Variants in STRADB observed in about 807,000 individuals in gnomAD.
The protein encoded by STRADB is STE20 related adaptor beta.
In STRADB, 34 loss-of-function variants were observed where a neutral mutation model predicts 52.1. The observed-to-expected ratio is 0.65, with a 90% CI of 0.50 to 0.87. The LOEUF (loss-of-function observed/expected upper bound fraction) is 0.87. STRADB is among the 40% of genes least tolerant of loss of function. The pLI, the probability that STRADB is intolerant of heterozygous loss-of-function variation, is 0.00. For synonymous variants in STRADB, 133 were observed against 174.5 expected (o/e 0.76, Z 1.87); for missense variants, 340 against 483.9 (o/e 0.70, Z 2.79).
At chr2:201,454,675 G>A (rs1271564279) in intron 1 of STRADB, 71 bp from the exon 2 acceptor site, 1 of 493,470 alleles carries the variant, frequency 2.0e-6, no homozygotes, top group Non-Finnish European at 3.5e-6. Context: ...AATATTGGAT[G>A]GGTTTAAGGC....
chr2:201,469,985 A>T lies in STRADB; in HGVS notation c.126A>T (p.Pro42=). Residue 42 remains proline (P), a synonymous_variant, in exon 4 of 12, where the codon CCA becomes CCT. Transcript: ENST00000194530. ...VDEPTLSWSR[P]STRASEVLCS... ...AGCCAACCCTTTCCTGGTCACGTCC[A>T]TCCACTAGAGCCAGTGAAGTACTAT... The T allele has an allele frequency of 6.2e-7, 1 of 1,614,032 alleles. No homozygotes were observed.
In STRADB at chr2:201,469,981, G is replaced by T. The variant is rs192324264; in HGVS notation, c.122G>T (p.Arg41Leu). 1 of 1,613,790 alleles carries T rather than the reference G, an allele frequency of 6.2e-7. No homozygotes were observed. Among genetic ancestry groups the T allele is most frequent in the Non-Finnish European group, 8.5e-7 (1 of 1,179,942 alleles). Reference protein sequence around the residue: ...LVDEPTLSWSRPSTRASEVLC... With the variant: ...LVDEPTLSWSLPSTRASEVLC... ...GATGAGCCAACCCTTTCCTGGTCAC[G>T]TCCATCCACTAGAGCCAGTGAAGTA... Residue 41 changes from arginine to leucine, a missense_variant, in exon 4 of 12, where the codon CGT becomes CTT. Physicochemically the swap from Arg to Leu is moderately radical, Grantham distance 102. Coordinates refer to ENST00000194530, the MANE Select transcript of STRADB (RefSeq NM_018571.6).
chr2:201,478,743 T>C, intron 10 of STRADB, 142 bp downstream of exon 10: 1 of 1,045,740 alleles, frequency 9.6e-7, no homozygotes, highest in South Asian at 1.7e-5. Flanking sequence ...CTAAGAACAA[T>C]TAGTGGGAAC....
intron 3 of STRADB, 33 bp downstream of exon 3, chr2:201,458,897 C>G: frequency 6.3e-7 from 1 of 1,579,456 alleles, no homozygotes; most frequent in Non-Finnish European, 8.7e-7. Flanking sequence ...TGCAGTGGTT[C>G]ACACCTGTAA....
chr2:201,477,483 G>C lies in STRADB; in HGVS notation c.549-136G>C, dbSNP rs536520269. 38 of 820,516 alleles carry C rather than the reference G, an allele frequency of 4.6e-5. No homozygotes were observed. The South Asian group carries it at 6.5e-4, about 14-fold the overall frequency. The allele number at this position is 820,516 out of a possible 1,614,324, so 50.8% of individuals were successfully genotyped here. A position where few individuals can be genotyped will look rare whatever the true frequency, so the allele number is the denominator to read the frequency against. ...GTGTAAACAGCAGTTTTGCAGTACT[G>C]TTTTGCAGTTTATACTGCTGTTTTG... On this transcript the variant is annotated intron_variant, in intron 7 of 11. Coordinates refer to ENST00000194530, the MANE Select transcript of STRADB (RefSeq NM_018571.6).
intron 3 of STRADB, among the ~76,000 whole-genome samples, chr2:201,461,749 C>G (rs377312403): frequency 6.6e-6 from 1 of 152,138 alleles, no homozygotes; most frequent in Non-Finnish European, 1.5e-5. Flanking sequence ...CTCAATTAAT[C>G]TTTGCCCAGA....
chr2:201,478,162 G>C lies in STRADB; in HGVS notation c.796G>C (p.Val266Leu). 6.2e-7 allele frequency: 1 copy of C among 1,613,734 alleles called. No homozygotes were observed. Among genetic ancestry groups the C allele is most frequent in the South Asian group, 1.1e-5 (1 of 90,938 alleles). Residue 266 changes from valine (V) to leucine (L), a missense_variant, in exon 9 of 12, where the codon GTG becomes CTG. By Grantham distance (32) the Val-to-Leu change is conservative. Coordinates refer to ENST00000194530, the MANE Select transcript of STRADB (RefSeq NM_018571.6). ...ITACELASGQ[V>L]PFQDMHRTQM... is the part of the protein sequence containing the mutation. ...AGCATGTGAATTAGCCAGTGGGCAG[G>C]TGCCTTTCCAGGACATGCATAGAAC...
chr2:201,474,430 G>A (rs1952440553), intron 5 of STRADB, among the ~76,000 whole-genome samples: 1 of 152,064 alleles, frequency 6.6e-6, no homozygotes, highest in African/African-American at 2.4e-5. Context: ...TTTTGGACAG[G>A]TTTTCTAACT....
chr2:201,454,250 C>A (rs982248065), intron 1 of STRADB, among the ~76,000 whole-genome samples: 1 of 152,046 alleles, frequency 6.6e-6, no homozygotes. Flanking sequence ...GGTCAGGGAC[C>A]CCAAATGATT....
rs1354157680 is a variant in STRADB at position 201,472,999 on chromosome 2, A to G, written c.238A>G (p.Thr80Ala). The G allele has an allele frequency of 3.1e-6, 5 of 1,612,696 alleles. 1 individual carries two copies. The South Asian group carries it at 5.5e-5, about 18-fold the overall frequency. ...NLTSVHLARH[T>A]PTGTLVTIKI... is the part of the protein sequence containing the mutation. ...GACTTCTGTCCATCTTGCACGGCAT[A>G]CTCCCACAGGAACACTGGTAACTAT... The change falls in exon 5 of 12, where the codon ACT becomes GCT. Residue 80 changes from threonine (T) to alanine (A), a missense_variant. Transcript: ENST00000194530.
At chr2:201,477,813 G>T in intron 8 of STRADB, 23 bp downstream of exon 8, 1 of 1,604,218 alleles carries the variant, frequency 6.2e-7, no homozygotes, top group Non-Finnish European at 8.5e-7. Context: ...CGTTGGATTG[G>T]GTTGTCTGTG....
At chr2:201,464,911 C>A (rs1371900447) in intron 3 of STRADB, among the ~76,000 whole-genome samples, 1 of 152,204 alleles carries the variant, frequency 6.6e-6, no homozygotes, top group Non-Finnish European at 1.5e-5. Context: ...CTGGCTATTG[C>A]CAGTGTTCAC....
At position 201,478,601 on chromosome 2, in the gene STRADB, G is replaced by C. The variant is rs150939369; in HGVS notation, c.1070G>C (p.Arg357Thr). 1 of 1,613,336 alleles carries C rather than the reference G, an allele frequency of 6.2e-7. No homozygotes were observed. The highest frequency in any genetic ancestry group is 1.3e-5 in the African/African-American group (1 of 74,760). Residue 357 changes from arginine (R) to threonine (T), a missense_variant and splice_region_variant, in exon 10 of 12, where the codon AGG (arginine) becomes ACG (threonine). Arg to Thr is a moderately conservative substitution (Grantham distance 71, BLOSUM62 -1). Coordinates refer to ENST00000194530, the MANE Select transcript of STRADB (RefSeq NM_018571.6). ...QLCLQQDPEK[R>T]PSASSLLSHV... ...TGTTTGCAACAAGATCCTGAGAAAA[G>C]GTAATATTGATCTCTTTTAAATAGC...
intron 6 of STRADB, among the ~76,000 whole-genome samples, chr2:201,475,342 GAAAA>G (rs949782505): frequency 6.9e-6 from 1 of 143,960 alleles, no homozygotes. Flanking sequence ...CTGGATTTAA[GAAAA>G]AAAAAAATAT....
chr2:201,457,744 C>T (rs779968445), intron 2 of STRADB, among the ~76,000 whole-genome samples: 1 of 152,078 alleles, frequency 6.6e-6, no homozygotes, highest in Non-Finnish European at 1.5e-5. Flanking sequence ...TCTGAAATGG[C>T]TGTGGTGGCT....
intron 3 of STRADB, among the ~76,000 whole-genome samples, chr2:201,463,107 G>T (rs1217422158): frequency 6.6e-6 from 1 of 152,200 alleles, no homozygotes; most frequent in East Asian, 1.9e-4. Context: ...GGAGGCCAGG[G>T]TGGGTGGATC....
At position 201,468,485 on chromosome 2, in the gene STRADB, T is replaced by A. The variant is rs537230514; in HGVS notation, c.94-1468T>A. On this transcript the variant is annotated intron_variant, in intron 3 of 11. Transcript: ENST00000194530. ...TTTTATTCTGGTTTTTCATCTGAGT[T>A]CTATCATAGTTGCAAACTTCGTATC... Among the ~76,000 whole-genome samples the A allele has an allele frequency of 5.3e-5, 8 of 152,298 alleles. No individual in the cohort carries two copies. In the South Asian group the frequency reaches 1.7e-3, roughly 32 times the overall value.
At position 201,470,122 on chromosome 2, in the gene STRADB, G is replaced by A. The variant is rs928843353; in HGVS notation, c.193+70G>A. On this transcript the variant is annotated intron_variant, in intron 4 of 11. Transcript: ENST00000194530. ...AAATTGATGACAAAAAGATTATTTT[G>A]TGGGCAAGTGTTTTTCTGTTGTTAC... is the stretch of plus-strand genomic sequence containing the variant. The A allele has an allele frequency of 6.5e-6, 8 of 1,225,978 alleles. No homozygotes were observed. The East Asian group carries it at 1.7e-4, about 26-fold the overall frequency. The allele number at this position is 1,225,978 out of a possible 1,614,324, so 75.9% of individuals were successfully genotyped here.
In STRADB at chr2:201,454,772, A is replaced by G. The variant is rs921137019; in HGVS notation, c.-69A>G. On this transcript the variant is annotated 5_prime_UTR_variant, in exon 2 of 12. Coordinates refer to ENST00000194530, the MANE Select transcript of STRADB (RefSeq NM_018571.6). ...AGGATATATCTGCATCTTGAAAGGA[A>G]GATAAAACAAAAGCCTTCTTTGGAA... 4 of 1,449,752 alleles carry G rather than the reference A, an allele frequency of 2.8e-6. No individual in the cohort carries two copies. The highest frequency in any genetic ancestry group is 2.8e-5 in the African/African-American group (2 of 70,224). 89.8% of individuals were successfully genotyped at this position (1,449,752 alleles called of 1,614,324 possible).
Sources: allele counts gnomAD v4.1 joint callset (sites outside exome capture counted in the v4.1 genomes callset), GRCh38; gene constraint gnomAD v4.1.1; transcripts MANE v1.5; gene names NCBI Gene and HGNC (gene_info 2026-07-23, HGNC 2026-07-21).